The following RGS6 variants were observed in gnomAD, a reference collection of about 807,000 sequenced individuals.
RGS6 encodes the protein regulator of G-protein signaling 6.
A neutral mutation model predicts 78.5 loss-of-function variants in RGS6; 30 were observed. The ratio of observed to expected loss-of-function variants is 0.38; its 90% CI spans 0.29 to 0.52. RGS6 has a LOEUF of 0.52. Ranked by LOEUF, RGS6 falls within the 20% of genes least tolerant of loss-of-function variation. The pLI, the probability that RGS6 is intolerant of heterozygous loss-of-function variation, is 0.85. For synonymous variants in RGS6, 206 were observed against 206.0 expected (o/e 1.00, Z 0.00); for missense variants, 495 against 609.7 (o/e 0.81, Z 1.98).
intron 2 of RGS6, among the ~76,000 whole-genome samples, chr14:72,325,676 A>C (rs887739322): frequency 6.6e-6 from 1 of 152,136 alleles, no homozygotes; most frequent in East Asian, 1.9e-4. Flanking sequence ...CATGTTAAAA[A>C]TCTCTTGAAT....
chr14:72,166,810 C>T (rs557499599), intron 2 of RGS6, among the ~76,000 whole-genome samples: 115 of 152,310 alleles, frequency 7.6e-4, no homozygotes, highest in African/African-American at 2.6e-3. Context: ...TACCACCATT[C>T]TATTTTCTTC....
At chr14:72,492,333 C>T (rs2096589276) in intron 12 of RGS6, among the ~76,000 whole-genome samples, 2 of 152,234 alleles carry the variant, frequency 1.3e-5, no homozygotes, top group African/African-American at 4.8e-5. Flanking sequence ...TGGTAACAGA[C>T]TGAGGGGAGG....
chr14:72,546,354 T>C (rs2097402768), intron 17 of RGS6, among the ~76,000 whole-genome samples: 1 of 152,212 alleles, frequency 6.6e-6, no homozygotes, highest in African/African-American at 2.4e-5. Flanking sequence ...ACAGACTCAG[T>C]ATGGCTGGTG....
At chr14:72,192,568 A>C (rs768120927) in intron 2 of RGS6, among the ~76,000 whole-genome samples, 1 of 152,190 alleles carries the variant, frequency 6.6e-6, no homozygotes, top group African/African-American at 2.4e-5. Flanking sequence ...GGAATTAGGA[A>C]TCTTTTCTTA....
intron 12 of RGS6, among the ~76,000 whole-genome samples, chr14:72,480,120 G>A (rs921937294): frequency 1.3e-5 from 2 of 152,176 alleles, no homozygotes; most frequent in Non-Finnish European, 2.9e-5. Flanking sequence ...TGGTTCCAGG[G>A]TTGAGCCAAG....
At chr14:72,012,086 T>C (rs1337779119) in intron 2 of RGS6, among the ~76,000 whole-genome samples, 1 of 152,210 alleles carries the variant, frequency 6.6e-6, no homozygotes, top group Admixed American at 6.5e-5. Flanking sequence ...CCAATAACAA[T>C]TATGTATCAG....
intron 3 of RGS6, among the ~76,000 whole-genome samples, chr14:72,434,404 C>T (rs887407182): frequency 2.0e-5 from 3 of 152,216 alleles, no homozygotes; most frequent in Admixed American, 6.5e-5. Flanking sequence ...CCTCCTTCAG[C>T]AAAGTGTTCT....
chr14:72,265,260 A>C (rs541897641), intron 2 of RGS6, among the ~76,000 whole-genome samples: 1 of 152,182 alleles, frequency 6.6e-6, no homozygotes, highest in African/African-American at 2.4e-5. Context: ...CCTTGCATAC[A>C]TGACGGATCA....
chr14:72,226,193 G>GA (rs897845023), intron 2 of RGS6, among the ~76,000 whole-genome samples: 1 of 152,124 alleles, frequency 6.6e-6, no homozygotes, highest in South Asian at 2.1e-4. Flanking sequence ...AATTTCAAAG[G>GA]AAAAAACTGA....
intron 2 of RGS6, among the ~76,000 whole-genome samples, chr14:72,348,981 A>C (rs567422002): frequency 6.6e-6 from 1 of 152,152 alleles, no homozygotes; most frequent in East Asian, 1.9e-4. Flanking sequence ...CCTGGCTAAC[A>C]TGGTGAAACC....
At chr14:72,493,401 TAAA>T (rs1175324435) in intron 12 of RGS6, among the ~76,000 whole-genome samples, 3 of 150,614 alleles carry the variant, frequency 2.0e-5, no homozygotes, top group South Asian at 4.2e-4. Context: ...GGCTCAAAAT[TAAA>T]AAATAAATAA....
rs567315286 is a variant in RGS6, at chr14:72,240,152, C to T, written c.85-111943C>T. 4.6e-5 allele frequency among the ~76,000 whole-genome samples: 7 copies of T among 152,286 alleles called. No individual in the cohort carries two copies. In the South Asian group the frequency reaches 1.5e-3, roughly 32 times the overall value. On this transcript the variant is annotated intron_variant, in intron 2 of 17. Coordinates refer to ENST00000553525, the MANE Select transcript of RGS6 (RefSeq NM_001204424.2). ...CCTAACCCCCACCCTCTAACGGTGG[C>T]ATTTCCACCAGACTCTTGAGTTTTC...
the RGS6 span, among the ~76,000 whole-genome samples, chr14:71,896,415 G>A: frequency 3.9e-5 from 6 of 152,136 alleles, no homozygotes; most frequent in Non-Finnish European, 7.3e-5. Context: ...CTGTCATGGC[G>A]CTGGTGGGAG....
At chr14:72,530,677 C>T (rs1051376407) in intron 15 of RGS6, among the ~76,000 whole-genome samples, 5 of 152,136 alleles carry the variant, frequency 3.3e-5, no homozygotes, top group African/African-American at 9.6e-5. Flanking sequence ...GGCAACAGAG[C>T]GAAGACTCCA....
chr14:72,339,528 A>C (rs1595980542), intron 2 of RGS6, among the ~76,000 whole-genome samples: 1 of 152,148 alleles, frequency 6.6e-6, no homozygotes, highest in Non-Finnish European at 1.5e-5. Flanking sequence ...CAGTGGAGAG[A>C]CCAGCCAATT....
At position 72,114,945 on chromosome 14, in the gene RGS6, C is replaced by T. The variant is rs150181661; in HGVS notation, c.84+150070C>T. Among the ~76,000 whole-genome samples the T allele has an allele frequency of 7.0e-3, 1,066 of 152,350 alleles. 7 individuals are homozygous for T. Among genetic ancestry groups the T allele is most frequent in the Non-Finnish European group, 0.011 (729 of 68,036 alleles). ...ATAAAGAAAAACAAGAAAAACGGCA[C>T]ATCCAGCCTGTTTTGTGGGAAGAAT... On this transcript the variant is annotated intron_variant, in intron 2 of 17. Transcript: ENST00000553525.
intron 2 of RGS6, among the ~76,000 whole-genome samples, chr14:72,236,525 T>TC: frequency 6.6e-6 from 1 of 152,232 alleles, no homozygotes; most frequent in Admixed American, 6.5e-5. Flanking sequence ...TCTTTTTTTT[T>TC]CTCCAATTTA....
intron 2 of RGS6, among the ~76,000 whole-genome samples, chr14:72,154,508 G>GGT (rs140837312): frequency 1.6e-5 from 2 of 126,532 alleles, no homozygotes; most frequent in Non-Finnish European, 3.7e-5. Flanking sequence ...CCCTCTGTTT[G>GGT]GGGGGGGTCC....
chr14:72,151,340 G>A (rs190478735), intron 2 of RGS6, among the ~76,000 whole-genome samples: 2 of 152,200 alleles, frequency 1.3e-5, no homozygotes, highest in Non-Finnish European at 2.9e-5. Context: ...AACAGATTGC[G>A]CATGTAATTA....
Sources: gnomAD v4.1 joint callset for allele counts (sites outside exome capture counted in the v4.1 genomes callset) on GRCh38, gnomAD v4.1.1 for gene constraint, MANE v1.5 for transcripts, NCBI Gene and HGNC (gene_info 2026-07-23, HGNC 2026-07-21) for gene names.